Variants in CPXM2 observed in about 807,000 individuals in gnomAD.
CPXM2 encodes the protein inactive carboxypeptidase-like protein X2.
A neutral mutation model predicts 86.1 loss-of-function variants in CPXM2; 66 were observed. The observed-to-expected ratio is 0.77, with a 90% CI of 0.63 to 0.94. The LOEUF is 0.94. Among genes scored for constraint, CPXM2 ranks in the 40% least tolerant of loss-of-function variants. The pLI is 0.00. For synonymous variants in CPXM2, 388 were observed against 400.2 expected (o/e 0.97, Z 0.36); for missense variants, 948 against 1,026.3 (o/e 0.92, Z 1.04).
At chr10:123,763,371 C>G (rs1201892550) in intron 10 of CPXM2, among the ~76,000 whole-genome samples, 2 of 152,166 alleles carry the variant, frequency 1.3e-5, no homozygotes, top group Non-Finnish European at 2.9e-5. Context: ...CAACCACAGA[C>G]CTCACTAACA....
intron 4 of CPXM2, among the ~76,000 whole-genome samples, chr10:123,835,177 G>C (rs745491380): frequency 2.6e-5 from 4 of 152,184 alleles, no homozygotes; most frequent in African/African-American, 9.7e-5. Flanking sequence ...CAGCAAGGGG[G>C]CCTCCCCATG....
intron 4 of CPXM2, among the ~76,000 whole-genome samples, chr10:123,810,458 C>T (rs1847666342): frequency 6.6e-6 from 1 of 151,952 alleles, no homozygotes; most frequent in South Asian, 2.1e-4. Context: ...CTTAAGCATA[C>T]ATACAACATT....
intron 4 of CPXM2, among the ~76,000 whole-genome samples, chr10:123,814,262 CTAA>C (rs1272338013): frequency 5.9e-5 from 9 of 152,178 alleles, no homozygotes; most frequent in African/African-American, 2.2e-4. Context: ...TGGGCACCAT[CTAA>C]TCAGGGGCCA....
intron 6 of CPXM2, among the ~76,000 whole-genome samples, chr10:123,797,767 G>A (rs1301215150): frequency 6.6e-6 from 1 of 151,736 alleles, no homozygotes; most frequent in Non-Finnish European, 1.5e-5. Flanking sequence ...TTATTTTTGT[G>A]GAGACAATGT....
At position 123,891,300 on chromosome 10, in the gene CPXM2, G is replaced by A; in HGVS notation, c.304+56C>T. 3 of 1,373,140 alleles carry A rather than the reference G, an allele frequency of 2.2e-6. No homozygotes were observed. Among genetic ancestry groups the A allele is most frequent in the Non-Finnish European group, 1.9e-6 (2 of 1,030,430 alleles). The allele number at this position is 1,373,140 out of a possible 1,614,324, so 85.1% of individuals were successfully genotyped here. A position where few individuals can be genotyped will look rare whatever the true frequency, so the allele number is the denominator to read the frequency against. Reference sequence around the variant, plus strand: ...CAATGGGAGAAGCCAGTTGTCCCCTGGAGGCGCGCAACCACCGGCGCCCCC... The same window carrying A: ...CAATGGGAGAAGCCAGTTGTCCCCTAGAGGCGCGCAACCACCGGCGCCCCC... On this transcript the variant is annotated intron_variant, in intron 1 of 13. Transcript: ENST00000241305. This position sits in a 1 kb window ranked among gnomAD's most constrained non-coding sequence, Gnocchi z 5.6.
chr10:123,900,390 T>C (rs1285976854), intron 2 of CPXM2, among the ~76,000 whole-genome samples: 3 of 152,168 alleles, frequency 2.0e-5, no homozygotes, highest in Non-Finnish European at 2.9e-5. Context: ...GGACTCCTGA[T>C]AGGAAAATGG....
At chr10:123,891,812 G>C (rs954990484), upstream of CPXM2, 1 of 293,886 alleles carries the variant, frequency 3.4e-6, no homozygotes, top group Non-Finnish European at 5.3e-6. The surrounding 1 kb of genome is among the most constrained non-coding windows in gnomAD (Gnocchi z 5.6). Flanking sequence ...GCGTGTGACC[G>C]GCCCGCGGGG....
chr10:123,931,533 T>C (rs905256896), intron 2 of CPXM2: 1 of 152,170 alleles, frequency 6.6e-6, no homozygotes, highest in Non-Finnish European at 1.5e-5. Context: ...CTGAGGATGA[T>C]CTTGCAGATG....
intron 2 of CPXM2, among the ~76,000 whole-genome samples, chr10:123,902,259 A>G (rs985054603): frequency 6.6e-6 from 1 of 152,232 alleles, no homozygotes; most frequent in East Asian, 1.9e-4. Context: ...GTAATCTGAC[A>G]TGGGCCTGAG....
At chr10:123,896,546 C>T (rs953547988), upstream of CPXM2, among the ~76,000 whole-genome samples, 1 of 152,218 alleles carries the variant, frequency 6.6e-6, no homozygotes, top group African/African-American at 2.4e-5. Flanking sequence ...ATACCCTGTA[C>T]ATTTGGCATC....
chr10:123,922,525 T>G (rs1945586601), intron 2 of CPXM2, among the ~76,000 whole-genome samples: 1 of 152,252 alleles, frequency 6.6e-6, no homozygotes, highest in Admixed American at 6.5e-5. Context: ...CTGGATTTTT[T>G]GTGATCCTCA....
chr10:123,895,121 CTTTTTT>C (rs869104432), upstream of CPXM2, among the ~76,000 whole-genome samples: 8 of 85,890 alleles, frequency 9.3e-5, no homozygotes, highest in Middle Eastern at 6.6e-3. Flanking sequence ...TCTTTTTTTT[CTTTTTT>C]TTTTTTTTTT....
intron 4 of CPXM2, among the ~76,000 whole-genome samples, chr10:123,804,525 A>G (rs1406236995): frequency 6.6e-6 from 1 of 152,122 alleles, no homozygotes; most frequent in Non-Finnish European, 1.5e-5. Flanking sequence ...ATGTAGACAC[A>G]TAGATGCTTT....
chr10:123,886,435 C>T (rs144687627), intron 1 of CPXM2, among the ~76,000 whole-genome samples: 320 of 152,276 alleles, frequency 2.1e-3, no homozygotes, highest in African/African-American at 7.1e-3. Flanking sequence ...TGTTTACAAC[C>T]AAATATGCTC....
chr10:123,767,038 C>T lies in CPXM2; in HGVS notation c.1414G>A (p.Val472Ile). The change falls in exon 10 of 14, where the codon GTC becomes ATC. Residue 472 changes from valine (V) to isoleucine (I), a missense_variant. Val to Ile is a conservative substitution (Grantham distance 29). Coordinates refer to ENST00000241305, the MANE Select transcript of CPXM2 (RefSeq NM_198148.3). ...TAGTGATTGGGAACTTTCCTGGGGA[C>T]ATTCTGTCGATCCTCTGCCTCCCAG... is the stretch of plus-strand genomic sequence containing the variant. The part of the protein sequence containing the change: ...LLWEAEDRQN[V>I]PRKVPNHYIA... 1 of 1,614,158 alleles carries T rather than the reference C, an allele frequency of 6.2e-7. No individual in the cohort carries two copies. Among genetic ancestry groups the T allele is most frequent in the South Asian group, 1.1e-5 (1 of 91,082 alleles).
At chr10:123,848,692 T>G (rs1309709118) in intron 3 of CPXM2, among the ~76,000 whole-genome samples, 1 of 152,244 alleles carries the variant, frequency 6.6e-6, no homozygotes, top group African/African-American at 2.4e-5. Flanking sequence ...TAAGCAATTA[T>G]TAATTCATTT....
intron 6 of CPXM2, among the ~76,000 whole-genome samples, chr10:123,793,012 T>C (rs1847242748): frequency 6.6e-6 from 1 of 152,052 alleles, no homozygotes; most frequent in East Asian, 1.9e-4. Context: ...GTGAGGAACA[T>C]TTGTGTTATT....
intron 2 of CPXM2, among the ~76,000 whole-genome samples, chr10:123,904,918 G>GGAGGGCCCGAGCTCTGCATTACATCTA (rs1945422083): frequency 1.5e-5 from 2 of 133,702 alleles, no homozygotes; most frequent in African/African-American, 5.7e-5. Flanking sequence ...CATCACACCT[G>GGAGGGCCCGAGCTCTGCATTACATCTA]CATCCTAGTG....
In CPXM2 at chr10:123,798,043, G is replaced by A. The variant is rs144549153; in HGVS notation, c.822C>T (p.Asn274=). The change falls in exon 6 of 14, where the codon AAC becomes AAT. Residue 274 remains asparagine, a synonymous_variant. Transcript: ENST00000241305. ...TCCCATTATCAAACCAGGACTGAGG[G>A]TTTATGCGGATGTAGCGGGCCACCA... The part of the protein sequence containing the change: ...VPMVARYIRI[N]PQSWFDNGSI... 2 of 1,612,156 alleles carry A rather than the reference G, an allele frequency of 1.2e-6. No individual in the cohort carries two copies. The highest frequency in any genetic ancestry group is 1.7e-6 in the Non-Finnish European group (2 of 1,179,160).
Sources: allele counts gnomAD v4.1 joint callset (sites outside exome capture counted in the v4.1 genomes callset), GRCh38; gene constraint gnomAD v4.1.1; non-coding constraint Gnocchi (gnomAD v3.1); transcripts MANE v1.5; gene names NCBI Gene and HGNC (gene_info 2026-07-23, HGNC 2026-07-21).